Variants in FOXP2 observed in about 807,000 individuals in gnomAD.
FOXP2 encodes the protein forkhead box protein P2.
FOXP2 carries 12 observed loss-of-function variants against 115.8 expected under a neutral mutation model. That is an observed-to-expected ratio of 0.10 (90% CI 0.07 to 0.17). FOXP2 has a LOEUF of 0.17. FOXP2 is among the 10% of genes least tolerant of loss of function. The pLI is 1.00. For synonymous variants in FOXP2, 328 were observed against 297.7 expected, an observed-to-expected ratio of 1.10 and a Z score of -1.05; for missense variants, 629 against 843.5, an observed-to-expected ratio of 0.75 and a Z score of 3.15.
intron 1 of FOXP2, among the ~76,000 whole-genome samples, chr7:114,146,216 T>G (rs2129148021): frequency 6.6e-6 from 1 of 152,314 alleles, no homozygotes; most frequent in Non-Finnish European, 1.5e-5. Flanking sequence ...TTTTTACATG[T>G]GTGAAAAGTT....
intron 1 of FOXP2, among the ~76,000 whole-genome samples, chr7:114,282,924 T>C (rs1324006162): frequency 6.6e-6 from 1 of 152,200 alleles, no homozygotes; most frequent in Non-Finnish European, 1.5e-5. Flanking sequence ...CTGAGCTCTT[T>C]GTAAATTTTA....
chr7:114,428,937 A>T (rs1793988129), intron 2 of FOXP2, among the ~76,000 whole-genome samples: 1 of 151,612 alleles, frequency 6.6e-6, no homozygotes, highest in African/African-American at 2.4e-5. Context: ...GAGTTAAATT[A>T]CTTCTTATAA....
intron 2 of FOXP2, among the ~76,000 whole-genome samples, chr7:114,518,266 C>T (rs921407348): frequency 6.6e-6 from 1 of 151,990 alleles, no homozygotes; most frequent in African/African-American, 2.4e-5. Flanking sequence ...CAAAACACCG[C>T]ACAGTATTTG....
intron 2 of FOXP2, among the ~76,000 whole-genome samples, chr7:114,362,528 C>T (rs2245190): frequency 6.6e-6 from 1 of 151,920 alleles, no homozygotes; most frequent in African/African-American, 2.4e-5. Flanking sequence ...GTGGGTGATG[C>T]CTGAAATATG....
intron 2 of FOXP2, among the ~76,000 whole-genome samples, chr7:114,319,493 C>A (rs891708329): frequency 1.3e-5 from 2 of 152,216 alleles, no homozygotes; most frequent in African/African-American, 4.8e-5. Flanking sequence ...GCCTCACAAT[C>A]ATGGCGGAAG....
At chr7:114,270,107 A>C (rs916021797) in intron 1 of FOXP2, among the ~76,000 whole-genome samples, 1 of 152,186 alleles carries the variant, frequency 6.6e-6, no homozygotes, top group Non-Finnish European at 1.5e-5. Flanking sequence ...CTTTCACTTA[A>C]TAATATACGT....
intron 2 of FOXP2, 128 bp downstream of exon 2, chr7:114,426,807 T>A (rs1793874765): frequency 9.8e-7 from 1 of 1,021,592 alleles, no homozygotes; most frequent in South Asian, 1.4e-5. Flanking sequence ...TATTATTATT[T>A]GGAACATGAT....
At chr7:114,551,116 C>G (rs1288600962) in intron 3 of FOXP2, among the ~76,000 whole-genome samples, 1 of 152,136 alleles carries the variant, frequency 6.6e-6, no homozygotes, top group East Asian at 1.9e-4. Flanking sequence ...GATTATCATG[C>G]TCCAGAGGAA....
At chr7:114,599,842 AC>A (rs1287405403) in intron 3 of FOXP2, among the ~76,000 whole-genome samples, 1 of 152,112 alleles carries the variant, frequency 6.6e-6, no homozygotes, top group Non-Finnish European at 1.5e-5. Context: ...ATATGGCTAA[AC>A]TTTTAAAAAA....
chr7:114,151,019 G>A (rs559677454), intron 1 of FOXP2, among the ~76,000 whole-genome samples: 2 of 151,918 alleles, frequency 1.3e-5, no homozygotes, highest in African/African-American at 4.8e-5. Context: ...AGCTTTGAAG[G>A]GGTCATAATG....
intron 1 of FOXP2, among the ~76,000 whole-genome samples, chr7:114,145,482 T>TTTTCTTTTCTTTTCC (rs1792345737): frequency 1.4e-5 from 2 of 138,478 alleles, no homozygotes; most frequent in Non-Finnish European, 3.1e-5. Context: ...TTTTCTTTTC[T>TTTTCTTTTCTTTTCC]TTTCTTTTCT....
rs1487216902 is a variant in FOXP2 at position 114,428,724 on chromosome 7, G to A, written c.168+2045G>A. ...CTTTCATGAATGTATTTTAGAATGG[G>A]GCTTTAAGTTCATTAAGGATTAACA... On this transcript the variant is annotated intron_variant, in intron 2 of 16. Transcript: ENST00000350908. Among the ~76,000 whole-genome samples the A allele has an allele frequency of 3.3e-5, 5 of 151,154 alleles. No homozygotes were observed. The South Asian group carries it at 8.3e-4, about 25-fold the overall frequency.
intron 2 of FOXP2, among the ~76,000 whole-genome samples, chr7:114,446,513 A>T (rs1483217929): frequency 1.3e-5 from 2 of 152,016 alleles, no homozygotes; most frequent in Non-Finnish European, 2.9e-5. Flanking sequence ...TAATGTAAAC[A>T]GTAAAACTGA....
chr7:114,231,626 A>C (rs996550734), intron 1 of FOXP2, among the ~76,000 whole-genome samples: 24 of 152,196 alleles, frequency 1.6e-4, no homozygotes, highest in Admixed American at 2.6e-4. Flanking sequence ...TGGTGCAAGG[A>C]CAGTTTGTGT....
chr7:114,468,267 G>C (rs533587762), intron 2 of FOXP2, among the ~76,000 whole-genome samples: 5 of 152,078 alleles, frequency 3.3e-5, no homozygotes, highest in African/African-American at 1.2e-4. Context: ...TTACTTTAAA[G>C]TTTGCCCGTA....
At chr7:114,461,176 G>T (rs759203337) in intron 2 of FOXP2, among the ~76,000 whole-genome samples, 4 of 152,104 alleles carry the variant, frequency 2.6e-5, no homozygotes, top group Non-Finnish European at 5.9e-5. Flanking sequence ...CATTTATGAT[G>T]ATTTCATTAG....
intron 3 of FOXP2, among the ~76,000 whole-genome samples, chr7:114,625,841 T>C (rs1272618321): frequency 2.0e-5 from 3 of 151,816 alleles, no homozygotes; most frequent in Non-Finnish European, 4.4e-5. Flanking sequence ...GATGATAGTA[T>C]TACTTTATTT....
At chr7:114,236,913 G>A (rs1247141633) in intron 1 of FOXP2, among the ~76,000 whole-genome samples, 1 of 152,132 alleles carries the variant, frequency 6.6e-6, no homozygotes, top group Non-Finnish European at 1.5e-5. Flanking sequence ...GGAGGTGAAG[G>A]CTGCAGTGAG....
chr7:114,629,051 C>T (rs1170389949), intron 4 of FOXP2: 3 of 221,394 alleles, frequency 1.4e-5, no homozygotes, highest in South Asian at 1.3e-4. Context: ...TTTTAGTTCA[C>T]AAAAGTATGA....
Sources: gnomAD v4.1 joint callset for allele counts (sites outside exome capture counted in the v4.1 genomes callset) on GRCh38, gnomAD v4.1.1 for gene constraint, MANE v1.5 for transcripts, NCBI Gene and HGNC (gene_info 2026-07-23, HGNC 2026-07-21) for gene names.